The following KCNN2 variants were observed in gnomAD, a reference collection of about 807,000 sequenced individuals.
KCNN2 encodes small conductance calcium-activated potassium channel protein 2.
A neutral mutation model predicts 55.5 loss-of-function variants in KCNN2; 24 were observed. That is an observed-to-expected ratio of 0.43 (90% CI 0.31 to 0.61). The LOEUF (loss-of-function observed/expected upper bound fraction) is 0.61. Among genes scored for constraint, KCNN2 ranks in the 20% least tolerant of loss-of-function variants. The pLI, the probability that KCNN2 is intolerant of heterozygous loss-of-function variation, is 0.08. For synonymous variants in KCNN2, 431 were observed against 336.1 expected, an observed-to-expected ratio of 1.28 and a Z score of -3.09; for missense variants, 754 against 853.6, an observed-to-expected ratio of 0.88 and a Z score of 1.45.
At chr5:114,096,508 T>C (rs1005181194) in intron 1 of KCNN2, among the ~76,000 whole-genome samples, 1 of 151,990 alleles carries the variant, frequency 6.6e-6, no homozygotes, top group Non-Finnish European at 1.5e-5. Flanking sequence ...CATCACAGAG[T>C]CATTCCATGT....
chr5:114,419,744 A>G (rs1759419253), intron 3 of KCNN2, among the ~76,000 whole-genome samples: 1 of 152,210 alleles, frequency 6.6e-6, no homozygotes, highest in African/African-American at 2.4e-5. Context: ...TTATCCCAGC[A>G]ATTGGGAGGC....
At chr5:114,086,980 T>C (rs1297766930) in intron 1 of KCNN2, among the ~76,000 whole-genome samples, 1 of 151,428 alleles carries the variant, frequency 6.6e-6, no homozygotes, top group African/African-American at 2.4e-5. Flanking sequence ...CCATTTCTGA[T>C]TGGTGTGAGA....
intron 2 of KCNN2, among the ~76,000 whole-genome samples, chr5:114,397,918 CT>C: frequency 6.6e-6 from 1 of 152,192 alleles, no homozygotes; most frequent in African/African-American, 2.4e-5. Context: ...CTTATAGATG[CT>C]GGATATTAGA....
Position 114,131,996 on chromosome 5 carries a change from T to A in KCNN2, c.-271+75496T>A, listed in dbSNP as rs181429473. 1.7e-3 allele frequency among the ~76,000 whole-genome samples: 262 copies of A among 152,328 alleles called. 2 individuals carry two copies. Among genetic ancestry groups the A allele is most frequent in the African/African-American group, 5.8e-3 (242 of 41,580 alleles). ...GGTTGTTTGTTTTTTTCTTGTAAAT[T>A]TGTCTAAGTTCCTTGTAGATTCTGG... On this transcript the variant is annotated intron_variant, in intron 1 of 10. Transcript: ENST00000512097.
chr5:114,295,293 C>T (rs548564969), intron 2 of KCNN2, among the ~76,000 whole-genome samples: 4 of 152,288 alleles, frequency 2.6e-5, no homozygotes, highest in Admixed American at 2.0e-4. Context: ...CTGTGCCCTG[C>T]CCCCAGAGGT....
intron 2 of KCNN2, among the ~76,000 whole-genome samples, chr5:114,306,308 C>A (rs1171027304): frequency 6.6e-6 from 1 of 152,222 alleles, no homozygotes; most frequent in Non-Finnish European, 1.5e-5. Context: ...GGGGCTACTA[C>A]TTGGTTAACT....
intron 5 of KCNN2, among the ~76,000 whole-genome samples, chr5:114,477,005 T>A (rs1251740793): frequency 4.6e-5 from 7 of 152,224 alleles, no homozygotes; most frequent in Admixed American, 1.3e-4. Context: ...TTTAAAATAA[T>A]TCTAAAATGC....
chr5:114,311,941 T>A (rs1756397930), intron 2 of KCNN2, among the ~76,000 whole-genome samples: 1 of 152,150 alleles, frequency 6.6e-6, no homozygotes. Context: ...TGCTTTGGAT[T>A]CTGAAAGTGC....
rs138120944 is a variant in KCNN2 at position 114,076,259 on chromosome 5, A to AG, written c.-271+19763dup. 4.0e-3 allele frequency among the ~76,000 whole-genome samples: 602 copies of AG among 152,310 alleles called. 4 individuals carry two copies. Among genetic ancestry groups the AG allele is most frequent in the Middle Eastern group, 6.8e-3 (2 of 294 alleles). On this transcript the variant is annotated intron_variant, in intron 1 of 10. Transcript: ENST00000512097. ...GGCATCTTTGGTAGTTGATGCCCAA[A>AG]GGGGCAGGTGTGCTGCTGCTGGTAC...
chr5:114,290,379 T>G (rs1397590344), intron 2 of KCNN2, among the ~76,000 whole-genome samples: 1 of 152,172 alleles, frequency 6.6e-6, no homozygotes, highest in African/African-American at 2.4e-5. Context: ...TAGAATTTGT[T>G]GGCATATAAT....
chr5:114,388,267 A>T (rs565252790), intron 2 of KCNN2, among the ~76,000 whole-genome samples: 1 of 151,978 alleles, frequency 6.6e-6, no homozygotes, highest in Non-Finnish European at 1.5e-5. Flanking sequence ...ATTTTGGGTG[A>T]TGTGAAATAT....
intron 1 of KCNN2, among the ~76,000 whole-genome samples, chr5:114,171,227 T>C (rs1305456060): frequency 6.6e-6 from 1 of 151,968 alleles, no homozygotes; most frequent in Non-Finnish European, 1.5e-5. Context: ...AGCTTTGTCT[T>C]CAACTTGGAG....
chr5:114,227,683 T>G (rs927613533), intron 2 of KCNN2, among the ~76,000 whole-genome samples: 1 of 152,164 alleles, frequency 6.6e-6, no homozygotes, highest in Non-Finnish European at 1.5e-5. Flanking sequence ...TAATAAAATT[T>G]GAAATCAGAA....
chr5:114,267,449 G>C (rs1278674482), intron 2 of KCNN2, among the ~76,000 whole-genome samples: 1 of 152,106 alleles, frequency 6.6e-6, no homozygotes, highest in Non-Finnish European at 1.5e-5. Context: ...TTGAGTATCA[G>C]TTTGAGGGTG....
chr5:114,185,574 C>T (rs1254383708), intron 1 of KCNN2, among the ~76,000 whole-genome samples: 5 of 152,180 alleles, frequency 3.3e-5, no homozygotes, highest in Admixed American at 3.3e-4. Context: ...CCTGTTTTCC[C>T]TATCTTTTTC....
At chr5:114,155,973 A>G (rs1448770098) in intron 1 of KCNN2, among the ~76,000 whole-genome samples, 2 of 152,118 alleles carry the variant, frequency 1.3e-5, no homozygotes, top group South Asian at 2.1e-4. Context: ...TGTCCCTAAT[A>G]GTATTACCTA....
chr5:114,185,108 T>C (rs75032112), intron 1 of KCNN2, among the ~76,000 whole-genome samples: 1,593 of 152,278 alleles, frequency 0.01, 32 homozygotes, highest in African/African-American at 0.037. Context: ...TATGAGAAAG[T>C]TGCAATGTCC....
intron 2 of KCNN2, among the ~76,000 whole-genome samples, chr5:114,382,630 G>A (rs1292766750): frequency 2.6e-5 from 4 of 152,194 alleles, no homozygotes; most frequent in Non-Finnish European, 5.9e-5. Flanking sequence ...ATGGAGAAAA[G>A]CCACCCAAGA....
chr5:114,360,690 G>A (rs1736942585), upstream of KCNN2, among the ~76,000 whole-genome samples: 1 of 152,158 alleles, frequency 6.6e-6, no homozygotes, highest in South Asian at 2.1e-4. Flanking sequence ...GACACCAAAT[G>A]CAATTTTTGT....
Sources: gnomAD v4.1 joint callset for allele counts (sites outside exome capture counted in the v4.1 genomes callset) on GRCh38, gnomAD v4.1.1 for gene constraint, MANE v1.5 for transcripts, NCBI Gene and HGNC (gene_info 2026-07-23, HGNC 2026-07-21) for gene names.